Variants in PHF20 observed in about 807,000 individuals in gnomAD.
PHF20 encodes the protein PHD finger protein 20, also known as glioma-expressed antigen 2.
Under a neutral mutation model 113.5 loss-of-function variants are expected in PHF20, and 23 were observed. The observed-to-expected ratio is 0.20, with a 90% CI of 0.15 to 0.29. The LOEUF (loss-of-function observed/expected upper bound fraction) is 0.29, where lower values mean the gene tolerates loss of function less well. Among genes scored for constraint, PHF20 ranks in the 10% least tolerant of loss-of-function variants. The pLI is 1.00. For missense variants in PHF20, 943 were observed against 1,219.6 expected (o/e 0.77, Z 3.38); for synonymous variants, 434 against 457.3 (o/e 0.95, Z 0.65).
chr20:35,806,791 CTTTTTTTTTTT>C (rs751352334), intron 2 of PHF20, among the ~76,000 whole-genome samples: 1 of 113,012 alleles, frequency 8.8e-6, no homozygotes, highest in African/African-American at 3.5e-5. Flanking sequence ...GACCTTTACT[CTTTTTTTTTTT>C]TTTTTTTTTT....
chr20:35,883,039 A>G (rs1034876341), intron 9 of PHF20, among the ~76,000 whole-genome samples: 4 of 151,394 alleles, frequency 2.6e-5, no homozygotes, highest in African/African-American at 9.7e-5. Flanking sequence ...AAAAAAAAAA[A>G]AAAAGAAAAA....
At chr20:35,933,554 G>A (rs1175681328) in intron 15 of PHF20, among the ~76,000 whole-genome samples, 4 of 151,852 alleles carry the variant, frequency 2.6e-5, no homozygotes, top group Non-Finnish European at 4.4e-5. Flanking sequence ...CTGCCACCAC[G>A]CCCGGCTAAT....
intron 9 of PHF20, among the ~76,000 whole-genome samples, chr20:35,896,081 A>ATGTGTGTGTG (rs10633976): frequency 5.3e-4 from 76 of 143,214 alleles, no homozygotes; most frequent in African/African-American, 1.8e-3. Flanking sequence ...ATGCTTTGGG[A>ATGTGTGTGTG]TGTGTGTGTG....
chr20:35,776,745 G>A (rs1207170706), intron 1 of PHF20, among the ~76,000 whole-genome samples: 1 of 152,088 alleles, frequency 6.6e-6, no homozygotes, highest in African/African-American at 2.4e-5. Flanking sequence ...TTCAGTAACG[G>A]ATTTGATCTG....
At chr20:35,878,496 A>G in intron 9 of PHF20, 1 of 589,432 alleles carries the variant, frequency 1.7e-6, no homozygotes, top group East Asian at 2.9e-5. Context: ...AATTCATATG[A>G]TGAAGATCAG....
At chr20:35,855,005 G>A (rs570657761) in intron 4 of PHF20, among the ~76,000 whole-genome samples, 1 of 152,144 alleles carries the variant, frequency 6.6e-6, no homozygotes, top group Non-Finnish European at 1.5e-5. Flanking sequence ...CTGTAAAAAT[G>A]GCAGTTTTCA....
At chr20:35,889,262 C>T (rs1568713475) in intron 9 of PHF20, among the ~76,000 whole-genome samples, 1 of 152,104 alleles carries the variant, frequency 6.6e-6, no homozygotes, top group Non-Finnish European at 1.5e-5. Flanking sequence ...GATTCGCCCA[C>T]CTTGTCCTCC....
chr20:35,901,031 G>A (rs1256376545), intron 10 of PHF20, among the ~76,000 whole-genome samples: 2 of 152,134 alleles, frequency 1.3e-5, no homozygotes, highest in Admixed American at 6.6e-5. Context: ...TCTGTTTCCT[G>A]ATCTGCATGG....
At chr20:35,840,596 C>A (rs2042520004) in intron 2 of PHF20, among the ~76,000 whole-genome samples, 1 of 152,148 alleles carries the variant, frequency 6.6e-6, no homozygotes, top group Admixed American at 6.6e-5. Context: ...TGCACCACTG[C>A]TGCTTGACAT....
At chr20:35,871,276 T>C in intron 8 of PHF20, 142 bp downstream of exon 8, 1 of 719,910 alleles carries the variant, frequency 1.4e-6, no homozygotes, top group African/African-American at 1.8e-5. Flanking sequence ...GTTTTTATAA[T>C]GTATTGCTCT....
At chr20:35,811,492 G>A (rs1358307195) in intron 2 of PHF20, among the ~76,000 whole-genome samples, 2 of 151,026 alleles carry the variant, frequency 1.3e-5, no homozygotes, top group East Asian at 3.9e-4. Flanking sequence ...GCCTAGGCTG[G>A]AGTGCAATGG....
Position 35,948,480 on chromosome 20 carries a change from G to T in PHF20, c.*853G>T, listed in dbSNP as rs1266586526. 6.6e-6 allele frequency: 1 copy of T among 152,598 alleles called. No individual in the cohort carries two copies. The highest frequency in any genetic ancestry group is 1.5e-5 in the Non-Finnish European group (1 of 68,024). 9.5% of individuals were successfully genotyped at this position (152,598 alleles called of 1,614,324 possible). A position where few individuals can be genotyped will look rare whatever the true frequency, so the allele number is the denominator to read the frequency against. On this transcript the variant is annotated 3_prime_UTR_variant, in exon 18 of 18. Coordinates refer to ENST00000374012, the MANE Select transcript of PHF20 (RefSeq NM_016436.5). Reference sequence around the variant, plus strand: ...TTTCACTGTAAAGATTTGTTACAAAGAATGTGGTTTGGGGAATTACCTTAT... The same window carrying T: ...TTTCACTGTAAAGATTTGTTACAAATAATGTGGTTTGGGGAATTACCTTAT...
At chr20:35,942,097 G>A (rs116354013) in intron 17 of PHF20, among the ~76,000 whole-genome samples, 31 of 152,132 alleles carry the variant, frequency 2.0e-4, no homozygotes, top group African/African-American at 7.0e-4. Context: ...GCCAGCCTGG[G>A]CATCACAGTC....
chr20:35,924,787 T>C (rs1422644526), intron 13 of PHF20, among the ~76,000 whole-genome samples: 1 of 151,492 alleles, frequency 6.6e-6, no homozygotes, highest in African/African-American at 2.4e-5. Context: ...AGAGATGAGG[T>C]CTCACCATGT....
Position 35,801,531 on chromosome 20 carries a change from G to A in PHF20, c.9G>A (p.Lys3=). Residue 3 remains lysine, a synonymous_variant, in exon 2 of 18, where the codon AAG becomes AAA. Transcript: ENST00000374012. The part of the protein sequence containing the change: MT[K]HPPNRRGISF... ...CCCGTTGATGACTGAAAATGACAAA[G>A]CATCCACCTAACAGACGAGGAATCA... is the stretch of plus-strand genomic sequence containing the variant. The A allele has an allele frequency of 1.2e-6, 2 of 1,613,188 alleles. No individual in the cohort carries two copies. Among genetic ancestry groups the A allele is most frequent in the Non-Finnish European group, 1.7e-6 (2 of 1,179,290 alleles).
intron 6 of PHF20, among the ~76,000 whole-genome samples, chr20:35,865,039 C>T (rs897866322): frequency 6.6e-6 from 1 of 151,682 alleles, no homozygotes; most frequent in African/African-American, 2.4e-5. Flanking sequence ...AATATAAAGA[C>T]AAATTAGCCA....
At chr20:35,941,131 A>ACC (rs2055971060) in intron 17 of PHF20, 84 bp downstream of exon 17, 9 of 1,098,206 alleles carry the variant, frequency 8.2e-6, no homozygotes, top group African/African-American at 1.6e-5. Flanking sequence ...CCCCAGTCTG[A>ACC]GTTTACAGGG....
At chr20:35,857,562 CTTTT>C (rs56655276) in intron 4 of PHF20, among the ~76,000 whole-genome samples, 2 of 99,678 alleles carry the variant, frequency 2.0e-5, no homozygotes, top group South Asian at 4.1e-4. Context: ...AATGATGTTC[CTTTT>C]TTTTTTTTTT....
At chr20:35,806,920 C>T (rs1424384315) in intron 2 of PHF20, among the ~76,000 whole-genome samples, 9 of 151,840 alleles carry the variant, frequency 5.9e-5, no homozygotes, top group African/African-American at 1.7e-4. Context: ...CTCAGCCTCC[C>T]GGGTAGCTGG....
Sources: gnomAD v4.1 joint callset for allele counts (sites outside exome capture counted in the v4.1 genomes callset) on GRCh38, gnomAD v4.1.1 for gene constraint, MANE v1.5 for transcripts, NCBI Gene and HGNC (gene_info 2026-07-23, HGNC 2026-07-21) for gene names.